Variants in SCAPER observed in about 807,000 individuals in gnomAD.
SCAPER encodes the protein S phase cyclin A-associated protein in the endoplasmic reticulum.
Under a neutral mutation model 182.2 loss-of-function variants are expected in SCAPER, and 98 were observed. That is an observed-to-expected ratio of 0.54 (90% CI 0.46 to 0.64). The LOEUF (loss-of-function observed/expected upper bound fraction) is 0.64, where lower values mean the gene tolerates loss of function less well. Among genes scored for constraint, SCAPER ranks in the 30% least tolerant of loss-of-function variants. The pLI is 0.00. For synonymous variants in SCAPER, 605 were observed against 564.6 expected (o/e 1.07, Z -1.01); for missense variants, 1,432 against 1,690.0 (o/e 0.85, Z 2.68).
chr15:76,802,704 G>T (rs556890540), intron 6 of SCAPER, among the ~76,000 whole-genome samples: 5 of 152,276 alleles, frequency 3.3e-5, no homozygotes, highest in Non-Finnish European at 7.4e-5. Flanking sequence ...ACATCAGGAT[G>T]AGATAAAAGA....
At position 76,730,287 on chromosome 15, in the gene SCAPER, C is replaced by CT. The variant is rs573159665; in HGVS notation, c.2023-1551dup. ...TAGCCAAAAGGATCTCTATTTCTTT[C>CT]TTTTTTTTTTGAGGGGGTAGGTGGT... On this transcript the variant is annotated intron_variant, in intron 16 of 31. Transcript: ENST00000563290. Among the ~76,000 whole-genome samples the CT allele has an allele frequency of 4.2e-3, 622 of 148,218 alleles. 6 individuals carry two copies. Among genetic ancestry groups the CT allele is most frequent in the African/African-American group, 0.013 (544 of 40,566 alleles).
intron 24 of SCAPER, among the ~76,000 whole-genome samples, chr15:76,474,746 G>A (rs1016757379): frequency 6.6e-6 from 1 of 152,086 alleles, no homozygotes; most frequent in East Asian, 1.9e-4. Flanking sequence ...AATGAATAAG[G>A]TATAAATAAT....
intron 29 of SCAPER, among the ~76,000 whole-genome samples, chr15:76,371,869 C>T (rs1304276035): frequency 2.0e-5 from 3 of 151,760 alleles, no homozygotes; most frequent in South Asian, 4.1e-4. Context: ...GGTGAGCCAA[C>T]ATGGTGCCAC....
intron 24 of SCAPER, among the ~76,000 whole-genome samples, chr15:76,486,807 G>A (rs1278222001): frequency 6.6e-6 from 1 of 152,148 alleles, no homozygotes; most frequent in Non-Finnish European, 1.5e-5. Context: ...CCCAAAGACA[G>A]ACATAACATT....
chr15:76,621,635 T>A (rs2454453), intron 22 of SCAPER, 129 bp downstream of exon 22: 98,281 of 767,660 alleles, frequency 0.13, 6,794 homozygotes, highest in African/African-American at 0.18. Context: ...GATACTACTG[T>A]GTTAAGAGAA....
intron 29 of SCAPER, among the ~76,000 whole-genome samples, chr15:76,356,237 T>A (rs150450318): frequency 6.6e-6 from 1 of 152,182 alleles, no homozygotes; most frequent in Non-Finnish European, 1.5e-5. Flanking sequence ...GGCAGTCTGA[T>A]GTCATGAGCA....
At chr15:76,652,371 C>CACACACACACACACACATATATATAT (rs764864981) in intron 21 of SCAPER, among the ~76,000 whole-genome samples, 1 of 8,060 alleles carries the variant, frequency 1.2e-4, no homozygotes, top group African/African-American at 5.2e-4. Flanking sequence ...CACACACACA[C>CACACACACACACACACATATATATAT]ATATATATAT....
chr15:76,431,704 A>AAAAAAAAAAAAAAAAT (rs61401621), intron 26 of SCAPER, among the ~76,000 whole-genome samples: 1 of 127,514 alleles, frequency 7.8e-6, no homozygotes. Flanking sequence ...AAAAAAAAAA[A>AAAAAAAAAAAAAAAAT]TGCTTTGTTT....
At chr15:76,419,650 G>A (rs149608105) in intron 26 of SCAPER, among the ~76,000 whole-genome samples, 19 of 151,996 alleles carry the variant, frequency 1.3e-4, no homozygotes, top group African/African-American at 4.3e-4. Context: ...AACCTGGGAG[G>A]TGGAGGTTGT....
At chr15:76,868,310 T>C (rs1314806644) in intron 2 of SCAPER, among the ~76,000 whole-genome samples, 1 of 152,182 alleles carries the variant, frequency 6.6e-6, no homozygotes, top group East Asian at 1.9e-4. Flanking sequence ...GGAGAATTGC[T>C]TCAGCCTGGG....
chr15:76,504,886 A>C lies in SCAPER; in HGVS notation c.2927T>G (p.Val976Gly). Residue 976 changes from valine (V) to glycine (G), a missense_variant, in exon 24 of 32, where the codon GTG becomes GGG. Val to Gly is a moderately radical substitution (Grantham distance 109). This residue lies in a region of SCAPER where 718 missense variants were observed against 799.7 expected (regional missense o/e 0.90). Coordinates refer to ENST00000563290, the MANE Select transcript of SCAPER (RefSeq NM_020843.4). ...ILQAVVPATN[V>G]NTVLRIPPKS... ...AGGAGGAATTCTTAAAACTGTGTTC[A>C]CATTTGTGGCTGGGACTACTGCTTG... The C allele has an allele frequency of 6.2e-7, 1 of 1,610,954 alleles. No individual in the cohort carries two copies. The highest frequency in any genetic ancestry group is 1.7e-5 in the Admixed American group (1 of 59,304).
At chr15:76,695,027 CTTCT>C (rs1280423664) in intron 20 of SCAPER, among the ~76,000 whole-genome samples, 8 of 151,878 alleles carry the variant, frequency 5.3e-5, no homozygotes, top group Admixed American at 2.0e-4. Context: ...GAGAAAGGAC[CTTCT>C]TTAAGATATT....
chr15:76,527,886 TA>T (rs1312872102), intron 23 of SCAPER, among the ~76,000 whole-genome samples: 1 of 152,222 alleles, frequency 6.6e-6, no homozygotes, highest in African/African-American at 2.4e-5. Context: ...TGTATAAACT[TA>T]CTGTGTCAAG....
intron 5 of SCAPER, among the ~76,000 whole-genome samples, chr15:76,813,655 C>A (rs1424731295): frequency 6.6e-6 from 1 of 152,118 alleles, no homozygotes; most frequent in East Asian, 1.9e-4. Flanking sequence ...TGTTGAACTT[C>A]TTTGCATCAA....
chr15:76,671,585 C>T (rs546895657), intron 20 of SCAPER, among the ~76,000 whole-genome samples: 44 of 151,944 alleles, frequency 2.9e-4, no homozygotes, highest in Non-Finnish European at 5.3e-4. Context: ...CTGGCTAACA[C>T]GGTGAAACGC....
intron 22 of SCAPER, among the ~76,000 whole-genome samples, chr15:76,588,300 G>A (rs1334866906): frequency 6.6e-6 from 1 of 152,114 alleles, no homozygotes; most frequent in Non-Finnish European, 1.5e-5. Context: ...ATATGTTTAG[G>A]ATTGTGATAT....
At chr15:76,857,961 G>A in intron 3 of SCAPER, 82 bp from the exon 4 acceptor site, 1 of 987,504 alleles carries the variant, frequency 1.0e-6, no homozygotes, top group Non-Finnish European at 1.5e-6. Context: ...ATTAGATAAT[G>A]TAAACCTAAA....
chr15:76,794,744 T>A (rs548104446), intron 8 of SCAPER, among the ~76,000 whole-genome samples: 35 of 152,328 alleles, frequency 2.3e-4, no homozygotes, highest in African/African-American at 7.9e-4. Context: ...CATAAAAAGA[T>A]GTTTACATAA....
intron 17 of SCAPER, among the ~76,000 whole-genome samples, chr15:76,708,483 A>C (rs2059389193): frequency 6.6e-6 from 1 of 152,060 alleles, no homozygotes; most frequent in Non-Finnish European, 1.5e-5. Flanking sequence ...AAAAGAAAAA[A>C]CAAAAAAGAA....
Sources: allele counts gnomAD v4.1 joint callset (sites outside exome capture counted in the v4.1 genomes callset), GRCh38; gene constraint gnomAD v4.1.1; regional missense constraint gnomAD v4.1.1; transcripts MANE v1.5; gene names NCBI Gene and HGNC (gene_info 2026-07-23, HGNC 2026-07-21).